Variants in CDK8 observed in about 807,000 individuals in gnomAD.
CDK8 encodes cyclin dependent kinase 8.
A neutral mutation model predicts 71.5 loss-of-function variants in CDK8; 29 were observed. The ratio of observed to expected loss-of-function variants is 0.41; its 90% CI spans 0.30 to 0.55. The LOEUF is 0.55. Ranked by LOEUF, CDK8 falls within the 20% of genes least tolerant of loss-of-function variation. The pLI, the probability that CDK8 is intolerant of heterozygous loss-of-function variation, is 0.37. For missense variants in CDK8, 288 were observed against 572.6 expected, an observed-to-expected ratio of 0.50 and a Z score of 5.07; for synonymous variants, 161 against 192.1, an observed-to-expected ratio of 0.84 and a Z score of 1.34.
intron 1 of CDK8, among the ~76,000 whole-genome samples, chr13:26,319,023 T>C (rs1424853048): frequency 6.6e-6 from 1 of 151,998 alleles, no homozygotes; most frequent in African/African-American, 2.4e-5. Context: ...ATAGAAAACC[T>C]TAAAGATTAC....
chr13:26,262,261 T>C (rs888553858), intron 1 of CDK8, among the ~76,000 whole-genome samples: 3 of 152,246 alleles, frequency 2.0e-5, no homozygotes, highest in African/African-American at 7.2e-5. Context: ...TTAATGCTTA[T>C]GTGTCCTTTG....
At chr13:26,335,900 A>G (rs914125771) in intron 1 of CDK8, among the ~76,000 whole-genome samples, 3 of 143,146 alleles carry the variant, frequency 2.1e-5, no homozygotes, top group Non-Finnish European at 4.5e-5. Context: ...CAGATAAAAT[A>G]TAATTGATAT....
intron 1 of CDK8, among the ~76,000 whole-genome samples, chr13:26,331,054 A>C (rs1875293371): frequency 6.6e-6 from 1 of 152,186 alleles, no homozygotes; most frequent in South Asian, 2.1e-4. Context: ...TTACATTCCC[A>C]GCCACCATGT....
At chr13:26,295,144 T>C (rs1164230595) in intron 1 of CDK8, among the ~76,000 whole-genome samples, 1 of 152,210 alleles carries the variant, frequency 6.6e-6, no homozygotes, top group Non-Finnish European at 1.5e-5. Flanking sequence ...ATATGGTGAC[T>C]CTAGGAAATG....
chr13:26,281,765 T>C (rs192646607), intron 1 of CDK8, among the ~76,000 whole-genome samples: 167 of 151,422 alleles, frequency 1.1e-3, no homozygotes, highest in African/African-American at 4.0e-3. Flanking sequence ...GGATGAAAAA[T>C]GCTCCAGAAG....
intron 1 of CDK8, among the ~76,000 whole-genome samples, chr13:26,261,963 C>T (rs1871788165): frequency 6.6e-6 from 1 of 152,242 alleles, no homozygotes; most frequent in Non-Finnish European, 1.5e-5. Flanking sequence ...ACACCATAAT[C>T]TATTGCAGTA....
chr13:26,255,440 C>G (rs750921212), intron 1 of CDK8, among the ~76,000 whole-genome samples: 1 of 152,140 alleles, frequency 6.6e-6, no homozygotes, highest in Non-Finnish European at 1.5e-5. Context: ...GGCGGTTTCC[C>G]CCAAATTTAG....
At chr13:26,319,003 A>C (rs1874637155) in intron 1 of CDK8, among the ~76,000 whole-genome samples, 1 of 152,196 alleles carries the variant, frequency 6.6e-6, no homozygotes, top group Non-Finnish European at 1.5e-5. Flanking sequence ...CAGATTATAT[A>C]ATCTTATATA....
rs1269242944 is a variant in CDK8, at chr13:26,254,707, C to A, written c.66C>A (p.Tyr22Ter). ...AGCGGGTCGAGGACCTGTTTGAATA[C>A]GAGGGCTGCAAAGTTGGCCGAGGCA... ...ERERVEDLFE[Y>*]EGCKVGRGTY... Residue 22 changes from tyrosine (Y) to a stop codon, truncating the protein, a stop_gained, in exon 1 of 13, where the codon TAC becomes TAA. Coordinates refer to ENST00000381527, the MANE Select transcript of CDK8 (RefSeq NM_001260.3). LOFTEE classifies it high-confidence loss of function. This position sits in a 1 kb window ranked among gnomAD's most constrained non-coding sequence, Gnocchi z 6.7. The A allele has an allele frequency of 6.2e-7, 1 of 1,612,570 alleles. No homozygotes were observed. Among genetic ancestry groups the A allele is most frequent in the Non-Finnish European group, 8.5e-7 (1 of 1,179,290 alleles).
rs115702160 is a variant in CDK8, at chr13:26,347,747, A to G, written c.205-1325A>G. 6.6e-3 allele frequency among the ~76,000 whole-genome samples: 1,003 copies of G among 152,296 alleles called. 10 individuals carry two copies. Among genetic ancestry groups the G allele is most frequent in the African/African-American group, 0.021 (869 of 41,554 alleles). ...AAACCATAGTGAGATACTACTTCAT[A>G]CTCATTAGGATATATGTTAATTTTT... is the stretch of plus-strand genomic sequence containing the variant. On this transcript the variant is annotated intron_variant, in intron 2 of 12. Coordinates refer to ENST00000381527, the MANE Select transcript of CDK8 (RefSeq NM_001260.3).
chr13:26,322,000 C>G (rs1322554710), intron 1 of CDK8, among the ~76,000 whole-genome samples: 3 of 152,066 alleles, frequency 2.0e-5, no homozygotes, highest in African/African-American at 7.2e-5. Flanking sequence ...TGCCTAGTAT[C>G]TTGACATACA....
At chr13:26,378,606 T>C (rs1237728684) in intron 4 of CDK8, among the ~76,000 whole-genome samples, 1 of 152,218 alleles carries the variant, frequency 6.6e-6, no homozygotes, top group Non-Finnish European at 1.5e-5. Flanking sequence ...TGCCATGATA[T>C]TATAATTTAA....
At chr13:26,269,609 C>T (rs916023919) in intron 1 of CDK8, among the ~76,000 whole-genome samples, 1 of 151,908 alleles carries the variant, frequency 6.6e-6, no homozygotes, top group Admixed American at 6.6e-5. Context: ...TTCCTAAGTA[C>T]ATGAAAATTT....
intron 1 of CDK8, among the ~76,000 whole-genome samples, chr13:26,267,558 A>G (rs1290867757): frequency 6.6e-6 from 1 of 152,176 alleles, no homozygotes; most frequent in Non-Finnish European, 1.5e-5. Context: ...TTGAGCAGAT[A>G]ATGCATGACC....
intron 12 of CDK8, among the ~76,000 whole-genome samples, chr13:26,402,435 A>C (rs762628875): frequency 2.0e-5 from 3 of 152,214 alleles, no homozygotes; most frequent in Non-Finnish European, 2.9e-5. Flanking sequence ...TGGGAAGGAT[A>C]CTGAAAATCT....
intron 10 of CDK8, among the ~76,000 whole-genome samples, 171 bp downstream of exon 10, chr13:26,400,721 G>C (rs1420462137): frequency 6.6e-6 from 1 of 152,000 alleles, no homozygotes; most frequent in African/African-American, 2.4e-5. Context: ...GGGCTTTCCA[G>C]TTAAGAGGCA....
intron 9 of CDK8, among the ~76,000 whole-genome samples, chr13:26,397,670 A>G (rs768926075): frequency 7.2e-5 from 11 of 152,160 alleles, no homozygotes; most frequent in Non-Finnish European, 1.2e-4. Context: ...GTTAACAGTC[A>G]TTCAGCGATT....
At chr13:26,378,857 A>T (rs1005302484) in intron 4 of CDK8, among the ~76,000 whole-genome samples, 2 of 152,230 alleles carry the variant, frequency 1.3e-5, no homozygotes, top group African/African-American at 4.8e-5. Flanking sequence ...AAAGGAAAGA[A>T]GTATATATCA....
chr13:26,283,896 C>CAAAAAAAAAAAAA (rs752553551), intron 1 of CDK8, among the ~76,000 whole-genome samples: 1 of 89,478 alleles, frequency 1.1e-5, no homozygotes, highest in Non-Finnish European at 2.5e-5. Flanking sequence ...GACTCCATCT[C>CAAAAAAAAAAAAA]AAAAAAAAAA....
Sources: gnomAD v4.1 joint callset for allele counts (sites outside exome capture counted in the v4.1 genomes callset) on GRCh38, gnomAD v4.1.1 for gene constraint, Gnocchi (gnomAD v3.1) non-coding constraint, MANE v1.5 for transcripts, NCBI Gene and HGNC (gene_info 2026-07-23, HGNC 2026-07-21) for gene names.